Variants in LYST observed in about 807,000 individuals in gnomAD.
LYST encodes the protein lysosomal-trafficking regulator.
In LYST, 192 loss-of-function variants were observed where a neutral mutation model predicts 413.6. The observed-to-expected ratio is 0.46, with a 90% CI of 0.41 to 0.52. The LOEUF is 0.52. LYST is among the 20% of genes least tolerant of loss of function. LYST has a pLI of 0.00. For synonymous variants in LYST, 1,525 were observed against 1,567.3 expected (o/e 0.97, Z 0.64); for missense variants, 3,815 against 4,499.9 (o/e 0.85, Z 4.35).
At chr1:235,742,612 C>T (rs1249532758) in intron 30 of LYST, among the ~76,000 whole-genome samples, 1 of 150,328 alleles carries the variant, frequency 6.7e-6, no homozygotes, top group East Asian at 1.9e-4. Context: ...TAAAAGAAGA[C>T]ATGGACAACG....
At chr1:235,837,617 C>A (rs1341782315) in intron 1 of LYST, among the ~76,000 whole-genome samples, 1 of 122,040 alleles carries the variant, frequency 8.2e-6, no homozygotes, top group Non-Finnish European at 1.6e-5. Context: ...AGAGTGAGAC[C>A]CTGTTTCAAA....
chr1:235,824,668 T>A (rs1186168202), intron 3 of LYST, among the ~76,000 whole-genome samples: 1 of 152,220 alleles, frequency 6.6e-6, no homozygotes, highest in East Asian at 1.9e-4. Flanking sequence ...ATAAGTAGAT[T>A]AAAATTTCTG....
chr1:235,703,048 GA>G, intron 44 of LYST, 71 bp from the exon 45 acceptor site: 1 of 1,092,308 alleles, frequency 9.2e-7, no homozygotes, highest in Non-Finnish European at 1.4e-6. Context: ...ATACCAAAGG[GA>G]AAAACAACAC....
At chr1:235,677,673 T>A (rs989310843) in intron 48 of LYST, 54 bp from the exon 49 acceptor site, 6 of 1,373,778 alleles carry the variant, frequency 4.4e-6, no homozygotes, top group Middle Eastern at 4.4e-4. Context: ...AGTACTCTAG[T>A]ATAGTATCTC....
intron 1 of LYST, among the ~76,000 whole-genome samples, chr1:235,834,099 C>T (rs1283177017): frequency 6.6e-6 from 1 of 152,134 alleles, no homozygotes; most frequent in African/African-American, 2.4e-5. Flanking sequence ...TACATAAGAA[C>T]TTAGACAATA....
At chr1:235,830,534 A>C in intron 2 of LYST, 110 bp from the exon 3 acceptor site, 1 of 860,822 alleles carries the variant, frequency 1.2e-6, no homozygotes, top group Non-Finnish European at 1.8e-6. Context: ...GCTTAAAATT[A>C]CTGGAAATTG....
rs888049514 is a variant in LYST, at chr1:235,784,655, T to C, written c.4862+2545A>G. The stretch of plus-strand genomic sequence containing the variant: ...AATTGGGATAATAATATACCTACTT[T>C]ATAGTATTGTTGGGAGGATTAAATC... On this transcript the variant is annotated intron_variant, in intron 14 of 52. Transcript: ENST00000389793. Among the ~76,000 whole-genome samples, 61 of 152,172 alleles carry C rather than the reference T, an allele frequency of 4.0e-4. 3 individuals are homozygous for C. Among genetic ancestry groups the C allele is most frequent in the Non-Finnish European group, 4.4e-5 (3 of 68,038 alleles).
intron 46 of LYST, among the ~76,000 whole-genome samples, chr1:235,694,670 T>C (rs1660948516): frequency 6.6e-6 from 1 of 152,158 alleles, no homozygotes; most frequent in African/African-American, 2.4e-5. Context: ...AACAAAAGAA[T>C]TGGAATATAC....
intron 14 of LYST, among the ~76,000 whole-genome samples, chr1:235,786,151 A>C (rs1670387735): frequency 6.6e-6 from 1 of 152,200 alleles, no homozygotes; most frequent in Non-Finnish European, 1.5e-5. Context: ...TCTTTGATAT[A>C]TAGTTATACA....
chr1:235,817,675 G>A (rs769744103), intron 3 of LYST, among the ~76,000 whole-genome samples: 4 of 152,084 alleles, frequency 2.6e-5, no homozygotes, highest in Non-Finnish European at 5.9e-5. Context: ...GGGTACACAT[G>A]GACACAAAGA....
chr1:235,746,924 C>T (rs891845680), intron 28 of LYST, among the ~76,000 whole-genome samples: 4 of 152,126 alleles, frequency 2.6e-5, no homozygotes, highest in Non-Finnish European at 5.9e-5. Context: ...AAGAATACTA[C>T]TATTTCTGGG....
At chr1:235,831,597 T>A (rs910002407) in intron 2 of LYST, among the ~76,000 whole-genome samples, 2 of 152,188 alleles carry the variant, frequency 1.3e-5, no homozygotes, top group Non-Finnish European at 2.9e-5. Context: ...ACTACCTTAG[T>A]TCCTGTTCAT....
At chr1:235,677,310 T>A in intron 49 of LYST, 122 bp from the exon 50 acceptor site, 1 of 1,057,302 alleles carries the variant, frequency 9.5e-7, no homozygotes, top group Non-Finnish European at 1.4e-6. Context: ...TTTTCCTATC[T>A]GATTGTATGA....
chr1:235,808,995 T>C lies in LYST; in HGVS notation c.1823A>G (p.Gln608Arg). 1 of 1,614,098 alleles carries C rather than the reference T, an allele frequency of 6.2e-7. No homozygotes were observed. The highest frequency in any genetic ancestry group is 8.5e-7 in the Non-Finnish European group (1 of 1,179,950). ...AFKLPALKNF[Q>R]QHILNILNKL... Reference sequence around the variant, plus strand: ...GTTAAGGATATTCAATATATGCTGCTGAAAATTTTTCAGTGCTGGCAATTT... The same window carrying C: ...GTTAAGGATATTCAATATATGCTGCCGAAAATTTTTCAGTGCTGGCAATTT... The change falls in exon 5 of 53, where the codon CAG becomes CGG. Residue 608 changes from glutamine to arginine, a missense_variant. Transcript: ENST00000389793.
chr1:235,762,974 T>C (rs1010425201), intron 21 of LYST, 123 bp from the exon 22 acceptor site: 8 of 723,750 alleles, frequency 1.1e-5, no homozygotes, highest in South Asian at 1.6e-5. Context: ...GAAAAATATA[T>C]AGCATACTTT....
At chr1:235,845,423 C>T (rs1346489177) in intron 1 of LYST, among the ~76,000 whole-genome samples, 3 of 152,144 alleles carry the variant, frequency 2.0e-5, no homozygotes, top group Non-Finnish European at 4.4e-5. Context: ...GGGTAAAACC[C>T]CACAGGGAAA....
chr1:235,730,575 G>A (rs914692661), intron 36 of LYST, among the ~76,000 whole-genome samples: 1 of 35,558 alleles, frequency 2.8e-5, no homozygotes, highest in Non-Finnish European at 5.1e-5. Context: ...ATATGTGTGT[G>A]TGTGTGTGTG....
At chr1:235,680,534 G>T (rs1659726824) in intron 48 of LYST, among the ~76,000 whole-genome samples, 1 of 152,034 alleles carries the variant, frequency 6.6e-6, no homozygotes, top group Admixed American at 6.5e-5. Flanking sequence ...CCAAAGTGCT[G>T]GGATTACAGG....
chr1:235,808,350 A>G (rs1673089301), intron 5 of LYST, 105 bp downstream of exon 5: 2 of 980,012 alleles, frequency 2.0e-6, no homozygotes, highest in Admixed American at 4.9e-5. Flanking sequence ...CAGTGTTAGA[A>G]GTTTAAATGC....
Sources: gnomAD v4.1 joint callset for allele counts (sites outside exome capture counted in the v4.1 genomes callset) on GRCh38, gnomAD v4.1.1 for gene constraint, MANE v1.5 for transcripts, NCBI Gene and HGNC (gene_info 2026-07-23, HGNC 2026-07-21) for gene names.